Variants in PDE6A observed in about 807,000 individuals in gnomAD.
PDE6A encodes the protein rod cGMP-specific 3',5'-cyclic phosphodiesterase subunit alpha.
Under a neutral mutation model 106.3 loss-of-function variants are expected in PDE6A, and 84 were observed. That is an observed-to-expected ratio of 0.79 (90% confidence interval 0.66 to 0.95). The LOEUF is 0.95. Ranked by LOEUF, PDE6A falls within the 40% of genes least tolerant of loss-of-function variation. The pLI, the probability that PDE6A is intolerant of heterozygous loss-of-function variation, is 0.00. For missense variants in PDE6A, 1,052 were observed against 1,084.9 expected, an observed-to-expected ratio of 0.97 and a Z score of 0.43; for synonymous variants, 394 against 386.6, an observed-to-expected ratio of 1.02 and a Z score of -0.23.
At chr5:149,915,031 A>C (rs748956052) in intron 5 of PDE6A, 24 bp from the exon 6 acceptor site, 14 of 1,155,154 alleles carry the variant, frequency 1.2e-5, no homozygotes, top group African/African-American at 5.8e-5. Context: ...GAAAAATTAT[A>C]CTTTTTTTTT....
Position 149,868,128 on chromosome 5 carries a change from T to C in PDE6A, c.2166A>G (p.Ser722=), listed in dbSNP as rs777359709. The change falls in exon 18 of 22, where the codon TCA becomes TCG. Residue 722 remains serine, a synonymous_variant. Transcript: ENST00000255266. ...GCACCTCCCAGGGTTTGGTGATGGC[T>C]GAGAGATCACAGGCGGTCATCATCA... is the stretch of plus-strand genomic sequence containing the variant. ...MAMMMTACDL[S]AITKPWEVQS... 2 of 1,614,068 alleles carry C rather than the reference T, an allele frequency of 1.2e-6. No homozygotes were observed. Among genetic ancestry groups the C allele is most frequent in the Non-Finnish European group, 1.7e-6 (2 of 1,180,042 alleles).
intron 5 of PDE6A, among the ~76,000 whole-genome samples, chr5:149,916,668 T>A (rs1753565232): frequency 6.6e-6 from 1 of 152,178 alleles, no homozygotes; most frequent in Non-Finnish European, 1.5e-5. Flanking sequence ...CAGGGGAAAT[T>A]CTATTACCTT....
At chr5:149,900,387 A>ATATATATATATATATATATATATC in intron 8 of PDE6A, among the ~76,000 whole-genome samples, 1 of 134,160 alleles carries the variant, frequency 7.5e-6, no homozygotes. Context: ...ATATATATAT[A>ATATATATATATATATATATATATC]TATATATATA....
At chr5:149,934,822 T>G (rs1754138690) in intron 1 of PDE6A, 104 bp from the exon 2 acceptor site, 1 of 1,108,250 alleles carries the variant, frequency 9.0e-7, no homozygotes, top group Non-Finnish European at 1.4e-6. Flanking sequence ...TTCCATCTAT[T>G]CCTCTTCAAC....
chr5:149,867,495 G>A, intron 19 of PDE6A: 1 of 613,426 alleles, frequency 1.6e-6, no homozygotes, highest in Non-Finnish European at 2.9e-6. Flanking sequence ...CCCACCCCCA[G>A]AGCTTCTGGT....
chr5:149,906,254 G>C, intron 7 of PDE6A, among the ~76,000 whole-genome samples: 1 of 151,582 alleles, frequency 6.6e-6, no homozygotes, highest in African/African-American at 2.4e-5. Context: ...GGATGAGCAT[G>C]GTGGTTCACG....
intron 1 of PDE6A, among the ~76,000 whole-genome samples, chr5:149,935,072 G>A (rs1471399321): frequency 3.9e-5 from 6 of 152,246 alleles, no homozygotes; most frequent in East Asian, 1.9e-4. Flanking sequence ...AGAGGAAGCC[G>A]GGTAAAGACT....
chr5:149,907,721 G>GA (rs1463645736), intron 6 of PDE6A, among the ~76,000 whole-genome samples: 1 of 152,176 alleles, frequency 6.6e-6, no homozygotes, highest in African/African-American at 2.4e-5. Flanking sequence ...TGTAGAGAAT[G>GA]AAAAAATTCA....
Position 149,895,748 on chromosome 5 carries a change from A to AGT in PDE6A, c.1621-460_1621-459dup, listed in dbSNP as rs144826238. On this transcript the variant is annotated intron_variant, in intron 12 of 21. Coordinates refer to ENST00000255266, the MANE Select transcript of PDE6A (RefSeq NM_000440.3). ...CAGTTTCTGATTTATCAGAGCTGGGAGTGTGTGTGTGTGTGTGTCTGTGTG... is the reference window on the plus strand; with the variant it reads ...CAGTTTCTGATTTATCAGAGCTGGGAGTGTGTGTGTGTGTGTGTGTCTGTGTG... Among the ~76,000 whole-genome samples the AGT allele has an allele frequency of 7.8e-4, 117 of 150,510 alleles. 1 individual carries two copies. In the East Asian group the frequency reaches 8.0e-3, roughly 10 times the overall value.
At chr5:149,899,315 G>A (rs1752876267) in intron 9 of PDE6A, 60 bp downstream of exon 9, 1 of 1,576,558 alleles carries the variant, frequency 6.3e-7, no homozygotes, top group South Asian at 1.1e-5. Flanking sequence ...GTGACACCCA[G>A]CCTCCCCCAG....
At chr5:149,889,735 G>C (rs1017024701) in intron 13 of PDE6A, among the ~76,000 whole-genome samples, 1 of 151,844 alleles carries the variant, frequency 6.6e-6, no homozygotes, top group Non-Finnish European at 1.5e-5. Flanking sequence ...GTGAAATATC[G>C]TCTCTACTAA....
intron 17 of PDE6A, among the ~76,000 whole-genome samples, chr5:149,880,230 G>A (rs1367454242): frequency 6.6e-6 from 1 of 151,748 alleles, no homozygotes; most frequent in Non-Finnish European, 1.5e-5. Flanking sequence ...TTTGTTTGTT[G>A]GTTGGTTGCT....
chr5:149,878,656 C>T (rs1202498038), intron 17 of PDE6A, among the ~76,000 whole-genome samples: 4 of 152,310 alleles, frequency 2.6e-5, no homozygotes, highest in South Asian at 2.1e-4. Context: ...TGGCCCTTTC[C>T]CTCACTCTGC....
Position 149,863,246 on chromosome 5 carries a change from C to G in PDE6A, c.2379G>C (p.Glu793Asp). The G allele has an allele frequency of 6.2e-7, 1 of 1,614,218 alleles. No homozygotes were observed. Among genetic ancestry groups the G allele is most frequent in the Non-Finnish European group, 8.5e-7 (1 of 1,180,044 alleles). ...TCCCGTCCAACATTGGGGTGATCTC[C>G]TCGTGGAAACGGGAGAATTCCTAGA... is the stretch of plus-strand genomic sequence containing the variant. ...FVYKEFSRFH[E>D]EITPMLDGIT... is the part of the protein sequence containing the mutation. Residue 793 changes from glutamate (E) to aspartate (D), a missense_variant, in exon 21 of 22, where the codon GAG becomes GAC. Coordinates refer to ENST00000255266, the MANE Select transcript of PDE6A (RefSeq NM_000440.3). The surrounding 1 kb of genome is among the most constrained non-coding windows in gnomAD (Gnocchi z 4.7).
At chr5:149,899,166 T>C (rs1399461961) in intron 9 of PDE6A, among the ~76,000 whole-genome samples, 1 of 152,228 alleles carries the variant, frequency 6.6e-6, no homozygotes, top group Non-Finnish European at 1.5e-5. Context: ...CATGCTCAGC[T>C]TAATTACATT....
chr5:149,863,374 G>C lies in PDE6A; in HGVS notation c.2359-108C>G. On this transcript the variant is annotated intron_variant, in intron 20 of 21. Coordinates refer to ENST00000255266, the MANE Select transcript of PDE6A (RefSeq NM_000440.3). This position sits in a 1 kb window ranked among gnomAD's most constrained non-coding sequence, Gnocchi z 4.7. ...CAACACTGGAATGAGCTGCTTCGGA[G>C]TAGCAGGCCTCCCGCCACCGTGCTG... is the stretch of plus-strand genomic sequence containing the variant. 8.9e-7 allele frequency: 1 copy of C among 1,127,930 alleles called. No homozygotes were observed. Among genetic ancestry groups the C allele is most frequent in the Non-Finnish European group, 1.3e-6 (1 of 760,646 alleles). 69.9% of individuals were successfully genotyped at this position (1,127,930 alleles called of 1,614,324 possible).
At chr5:149,911,614 C>T (rs1033148398) in intron 6 of PDE6A, among the ~76,000 whole-genome samples, 11 of 152,162 alleles carry the variant, frequency 7.2e-5, no homozygotes, top group Non-Finnish European at 5.9e-5. Flanking sequence ...TAGAAAACAG[C>T]ATCTTAGAAT....
At position 149,863,123 on chromosome 5, in the gene PDE6A, C is replaced by T. The variant is rs1760201222; in HGVS notation, c.2502G>A (p.Lys834=). 6.2e-7 allele frequency: 1 copy of T among 1,614,106 alleles called. No individual in the cohort carries two copies. The change falls in exon 21 of 22, where the codon AAG becomes AAA. Residue 834 remains lysine (K), a synonymous_variant. Coordinates refer to ENST00000255266, the MANE Select transcript of PDE6A (RefSeq NM_000440.3). The surrounding 1 kb of genome is among the most constrained non-coding windows in gnomAD (Gnocchi z 4.7). ...CTGCTTCCCCCTTCCACAAACCTGACTTGGCCGACTGCTGTTTCTGCTTCT... is the reference window on the plus strand; with the variant it reads ...CTGCTTCCCCCTTCCACAAACCTGATTTGGCCGACTGCTGTTTCTGCTTCT... ...EEKKQKQQSA[K]SAAAGNQPGG... is the part of the protein sequence containing the mutation.
chr5:149,941,537 T>C (rs2113669899), intron 1 of PDE6A, among the ~76,000 whole-genome samples: 1 of 152,342 alleles, frequency 6.6e-6, no homozygotes, highest in African/African-American at 2.4e-5. Flanking sequence ...AAGTGATCAG[T>C]GTTTACACTT....
Sources: gnomAD v4.1 joint callset for allele counts (sites outside exome capture counted in the v4.1 genomes callset) on GRCh38, gnomAD v4.1.1 for gene constraint, Gnocchi (gnomAD v3.1) non-coding constraint, MANE v1.5 for transcripts, NCBI Gene and HGNC (gene_info 2026-07-23, HGNC 2026-07-21) for gene names.